ANK3: variants seen among roughly 807,000 people sequenced by gnomAD.
The protein encoded by ANK3 is ankyrin 3.
A neutral mutation model predicts 370.9 loss-of-function variants in ANK3; 57 were observed. That is an observed-to-expected ratio of 0.15 (90% CI 0.12 to 0.19). The LOEUF (loss-of-function observed/expected upper bound fraction) is 0.19. Among genes scored for constraint, ANK3 ranks in the 10% least tolerant of loss-of-function variants. The probability of loss-of-function intolerance (pLI) is 1.00; values close to 1 mark genes in which losing one functional copy is unlikely to be tolerated. For missense variants in ANK3, 4,439 were observed against 5,302.1 expected (o/e 0.84, Z 5.06); for synonymous variants, 1,929 against 1,946.3 (o/e 0.99, Z 0.23).
chr10:60,141,677 G>C (rs1172810630), intron 23 of ANK3, among the ~76,000 whole-genome samples: 1 of 139,512 alleles, frequency 7.2e-6, no homozygotes, highest in African/African-American at 2.7e-5. Context: ...GAAGTAAGCA[G>C]TCTTTTATAA....
intron 28 of ANK3, among the ~76,000 whole-genome samples, chr10:60,093,434 A>G (rs1169755968): frequency 1.3e-5 from 2 of 152,238 alleles, no homozygotes; most frequent in East Asian, 1.9e-4. Flanking sequence ...AATTCTGCTT[A>G]TAACAAGCTG....
rs772573417 is a variant in ANK3, at chr10:60,709,299, CT to C, written c.57+23963del. On this transcript the variant is annotated intron_variant, in intron 1 of 43. Coordinates refer to the ANK3 transcript ENST00000373827. ...GATATATCTATATCTATATCTATAT[CT>C]ATATCTATATCTATATCTATATCTA... 8.5e-3 allele frequency among the ~76,000 whole-genome samples: 1,041 copies of C among 123,188 alleles called. 3 individuals carry two copies. Among genetic ancestry groups the C allele is most frequent in the Non-Finnish European group, 0.014 (772 of 55,074 alleles). 80.8% of individuals were successfully genotyped at this position (123,188 alleles called of 152,430 possible).
intron 2 of ANK3, among the ~76,000 whole-genome samples, chr10:60,606,283 C>T (rs1225475537): frequency 6.6e-6 from 1 of 151,938 alleles, no homozygotes; most frequent in African/African-American, 2.4e-5. Flanking sequence ...TCTTTTGGAA[C>T]ACAGTTAACA....
chr10:60,383,200 C>G (rs1428780114), intron 1 of ANK3, among the ~76,000 whole-genome samples: 2 of 152,120 alleles, frequency 1.3e-5, no homozygotes, highest in African/African-American at 4.8e-5. Flanking sequence ...AGTACATTGG[C>G]TAACACTAAA....
chr10:60,205,948 CTGTG>C, intron 10 of ANK3, 58 bp from the exon 11 acceptor site: 1 of 1,109,452 alleles, frequency 9.0e-7, no homozygotes, highest in South Asian at 1.3e-5. Flanking sequence ...TCCAGTTTCA[CTGTG>C]TGCAGTAAAT....
At chr10:60,227,243 C>T (rs1256665007) in intron 8 of ANK3, among the ~76,000 whole-genome samples, 1 of 151,964 alleles carries the variant, frequency 6.6e-6, no homozygotes. Context: ...TCATTCAGAA[C>T]TTTAAAGGTG....
rs181082624 is a variant in ANK3 at position 60,060,085 on chromosome 10, A to T, written c.12596-655T>A. On this transcript the variant is annotated intron_variant, in intron 40 of 43. Transcript: ENST00000280772. Reference sequence around the variant, plus strand: ...AAAAACACATGGAATGACTAAAATTATATCAGGCATGAAAAATGTATGATG... The same window carrying T: ...AAAAACACATGGAATGACTAAAATTTTATCAGGCATGAAAAATGTATGATG... The T allele has an allele frequency of 3.2e-4, 348 of 1,087,954 alleles. 3 individuals carry two copies. In the East Asian group the frequency reaches 8.6e-3, roughly 27 times the overall value. 67.4% of individuals were successfully genotyped at this position (1,087,954 alleles called of 1,614,324 possible). A position where few individuals can be genotyped will look rare whatever the true frequency, so the allele number is the denominator to read the frequency against.
intron 2 of ANK3, among the ~76,000 whole-genome samples, chr10:60,430,262 G>T (rs1178891311): frequency 6.6e-6 from 1 of 152,218 alleles, no homozygotes; most frequent in Non-Finnish European, 1.5e-5. Flanking sequence ...GGAATGTTTA[G>T]ACATAGGAGT....
At chr10:60,528,600 T>C (rs1321540223) in intron 2 of ANK3, among the ~76,000 whole-genome samples, 1 of 152,174 alleles carries the variant, frequency 6.6e-6, no homozygotes, top group Non-Finnish European at 1.5e-5. Flanking sequence ...ATTATATGCA[T>C]TTCATATGGT....
At chr10:60,171,242 C>T (rs2095785806) in intron 21 of ANK3, among the ~76,000 whole-genome samples, 1 of 152,100 alleles carries the variant, frequency 6.6e-6, no homozygotes, top group African/African-American at 2.4e-5. Flanking sequence ...TGTTCTATTC[C>T]ATTAAAACAA....
intron 1 of ANK3, among the ~76,000 whole-genome samples, chr10:60,325,645 A>G (rs561368588): frequency 4.6e-5 from 7 of 152,160 alleles, no homozygotes; most frequent in Non-Finnish European, 8.8e-5. Context: ...TATCTTTCAG[A>G]AAATTATCCT....
At position 60,648,767 on chromosome 10, in the gene ANK3, T is replaced by TAAAAAAA. The variant is rs796546062; in HGVS notation, c.58-33550_58-33544dup. On this transcript the variant is annotated intron_variant, in intron 1 of 43. Coordinates refer to the ANK3 transcript ENST00000373827. Reference sequence around the variant, plus strand: ...CCTGGGTGACAGAATAAGACTGTCTTAAAAAAAAAAAAAAAAAATTCTTGC... The same window carrying TAAAAAAA: ...CCTGGGTGACAGAATAAGACTGTCTTAAAAAAAAAAAAAAAAAAAAAAAAATTCTTGC... 7.7e-3 allele frequency among the ~76,000 whole-genome samples: 862 copies of TAAAAAAA among 112,196 alleles called. 22 individuals carry two copies. Among genetic ancestry groups the TAAAAAAA allele is most frequent in the African/African-American group, 0.02 (595 of 29,364 alleles). 73.6% of individuals were successfully genotyped at this position (112,196 alleles called of 152,430 possible).
intron 2 of ANK3, among the ~76,000 whole-genome samples, chr10:60,446,438 C>T (rs1393778294): frequency 6.6e-6 from 1 of 152,160 alleles, no homozygotes; most frequent in Non-Finnish European, 1.5e-5. Flanking sequence ...CCTTCCTCTT[C>T]ATCTTTTTAT....
intron 2 of ANK3, among the ~76,000 whole-genome samples, chr10:60,534,773 G>A (rs540409061): frequency 2.0e-5 from 3 of 152,214 alleles, no homozygotes; most frequent in Admixed American, 1.3e-4. Context: ...AGTTAAAATG[G>A]CAATTTTCTA....
chr10:60,281,515 TGTTTGG>T (rs575127275), intron 1 of ANK3, among the ~76,000 whole-genome samples: 5 of 152,310 alleles, frequency 3.3e-5, no homozygotes, highest in African/African-American at 9.6e-5. Flanking sequence ...CTCTTTGGCC[TGTTTGG>T]GTTGCCACAA....
At chr10:60,106,096 A>G in intron 27 of ANK3, 37 bp from the exon 28 acceptor site, 1 of 1,546,114 alleles carries the variant, frequency 6.5e-7, no homozygotes, top group South Asian at 1.2e-5. Flanking sequence ...GTATCAAATT[A>G]AATATATTTA....
chr10:60,576,538 C>T lies in ANK3; in HGVS notation c.96+38648G>A, dbSNP rs115580600. On this transcript the variant is annotated intron_variant, in intron 2 of 43. Transcript: ENST00000373827. ...ATATCACATTAAAGGTAAAACAAAA[C>T]GAAGCAACAACCTTCCATTGATATT... 6.3e-3 allele frequency among the ~76,000 whole-genome samples: 962 copies of T among 152,238 alleles called. 8 individuals carry two copies. Among genetic ancestry groups the T allele is most frequent in the African/African-American group, 0.019 (774 of 41,532 alleles).
rs1004511603 is a variant in ANK3 at position 60,114,258 on chromosome 10, T to C, written c.2915A>G (p.Asn972Ser). 6.2e-6 allele frequency: 10 copies of C among 1,606,854 alleles called. No homozygotes were observed. The highest frequency in any genetic ancestry group is 8.5e-6 in the Non-Finnish European group (10 of 1,177,042). The change falls in exon 26 of 44, where the codon AAT (asparagine) becomes AGT (serine). Residue 972 changes from asparagine to serine, a missense_variant. Coordinates refer to ENST00000280772, the MANE Select transcript of ANK3 (RefSeq NM_020987.5). ...AATGGGGCTTGAAACAAGATTGACA[T>C]TGTCTAAGGTGTCTGCAGCCCAGCT... Reference protein sequence around the residue: ...HYSWAADTLDNVNLVSSPIHS... With the variant: ...HYSWAADTLDSVNLVSSPIHS...
At chr10:60,630,168 G>T (rs1394746952) in intron 1 of ANK3, among the ~76,000 whole-genome samples, 1 of 151,968 alleles carries the variant, frequency 6.6e-6, no homozygotes, top group Non-Finnish European at 1.5e-5. Context: ...CTGTCAAAGG[G>T]CATGATATCT....
Sources: gnomAD v4.1 joint callset for allele counts (sites outside exome capture counted in the v4.1 genomes callset) on GRCh38, gnomAD v4.1.1 for gene constraint, MANE v1.5 for transcripts, NCBI Gene and HGNC (gene_info 2026-07-23, HGNC 2026-07-21) for gene names.